Variants in RAB30 observed in about 807,000 individuals in gnomAD.
RAB30 encodes the protein ras-related protein Rab-30.
RAB30 carries 9 observed loss-of-function variants against 25.1 expected under a neutral mutation model. That is an observed-to-expected ratio of 0.36 (90% CI 0.22 to 0.63). The LOEUF is 0.63. RAB30 is among the 20% of genes least tolerant of loss of function. RAB30 has a pLI of 0.69. For missense variants in RAB30, 140 were observed against 243.5 expected, an observed-to-expected ratio of 0.58 and a Z score of 2.83; for synonymous variants, 77 against 86.4, an observed-to-expected ratio of 0.89 and a Z score of 0.60.
chr11:83,038,305 T>A (rs146329755), intron 1 of RAB30, among the ~76,000 whole-genome samples: 2 of 152,334 alleles, frequency 1.3e-5, no homozygotes, highest in African/African-American at 4.8e-5. Flanking sequence ...AGTTCATTTC[T>A]AAGTGTCAAA....
At chr11:83,010,538 T>C (rs1377014895) in intron 1 of RAB30, among the ~76,000 whole-genome samples, 1 of 152,218 alleles carries the variant, frequency 6.6e-6, no homozygotes, top group Non-Finnish European at 1.5e-5. Flanking sequence ...TTATTTCCTT[T>C]TTTTCATATT....
intron 1 of RAB30, among the ~76,000 whole-genome samples, chr11:83,022,403 C>T (rs1168982858): frequency 6.6e-6 from 1 of 152,126 alleles, no homozygotes; most frequent in Admixed American, 6.5e-5. Context: ...AAGTGATCCT[C>T]CTGCCTCAGC....
At chr11:83,037,264 T>C (rs1858006898) in intron 1 of RAB30, among the ~76,000 whole-genome samples, 1 of 152,186 alleles carries the variant, frequency 6.6e-6, no homozygotes. Flanking sequence ...CGAATTTTTT[T>C]TTTGAGACAA....
At chr11:83,032,822 T>C (rs79297796) in intron 1 of RAB30, among the ~76,000 whole-genome samples, 2,309 of 152,258 alleles carry the variant, frequency 0.015, 70 homozygotes, top group African/African-American at 0.054. Flanking sequence ...ACCTTAATCA[T>C]GCTCTCTTGG....
At chr11:83,052,930 G>T (rs543820414) in intron 1 of RAB30, among the ~76,000 whole-genome samples, 104 of 152,282 alleles carry the variant, frequency 6.8e-4, no homozygotes, top group South Asian at 2.3e-3. Flanking sequence ...ACAGTGAGGT[G>T]CAAGGCAATA....
chr11:83,056,666 G>C (rs1858465304), intron 1 of RAB30, among the ~76,000 whole-genome samples: 1 of 152,168 alleles, frequency 6.6e-6, no homozygotes, highest in Non-Finnish European at 1.5e-5. Flanking sequence ...AAATCACACA[G>C]CACAGACTCT....
chr11:83,010,363 A>T lies in RAB30; in HGVS notation c.-8-13039T>A, dbSNP rs1049051086. ...CTACTCAGGAGGCTGATGTGGGAAG[A>T]TCTCTTGAGCCTAGAAGTTAGGCAT... is the stretch of plus-strand genomic sequence containing the variant. On this transcript the variant is annotated intron_variant, in intron 1 of 4. Coordinates refer to ENST00000527633, the MANE Select transcript of RAB30 (RefSeq NM_001286060.2). Among the ~76,000 whole-genome samples, 19 of 152,256 alleles carry T rather than the reference A, an allele frequency of 1.2e-4. No individual in the cohort carries two copies. The South Asian group carries it at 3.7e-3, about 30-fold the overall frequency.
In RAB30 at chr11:82,977,818, G is replaced by A. The variant is rs1856569634; in HGVS notation, c.*4347C>T. 1.3e-5 allele frequency: 2 copies of A among 152,090 alleles called. No homozygotes were observed. Among genetic ancestry groups the A allele is most frequent in the African/African-American group, 4.8e-5 (2 of 41,402 alleles). 9.4% of individuals were successfully genotyped at this position (152,090 alleles called of 1,614,324 possible). On this transcript the variant is annotated 3_prime_UTR_variant, in exon 5 of 5. Transcript: ENST00000527633. ...AATGATAATAACATTCCAACATCAA[G>A]GGACTGAGGAGAGGAGATGAAATGC...
chr11:82,989,363 TG>T lies in RAB30; in HGVS notation c.178-1594del, dbSNP rs150497358. Among the ~76,000 whole-genome samples, 1,298 of 152,344 alleles carry T rather than the reference TG, an allele frequency of 8.5e-3. 6 individuals are homozygous for T. The highest frequency in any genetic ancestry group is 0.013 in the Non-Finnish European group (886 of 68,036). The stretch of plus-strand genomic sequence containing the variant: ...TAGCTTAGCTAAAGAGACTGCTGAG[TG>T]ACCCGTAGTCCCTGCCATGAATCAG... On this transcript the variant is annotated intron_variant, in intron 3 of 4. Transcript: ENST00000527633.
rs1312378392 is a variant in RAB30, at chr11:82,979,581, C to T, written c.*2584G>A. On this transcript the variant is annotated 3_prime_UTR_variant, in exon 5 of 5. Coordinates refer to ENST00000527633, the MANE Select transcript of RAB30 (RefSeq NM_001286060.2). ...GGAATTTCTGTTTAATCAAAAAAAG[C>T]TCCCCCAACCACTACCACCCCACCT... 1.3e-5 allele frequency: 2 copies of T among 152,130 alleles called. No homozygotes were observed. Among genetic ancestry groups the T allele is most frequent in the Non-Finnish European group, 2.9e-5 (2 of 68,028 alleles). The allele number at this position is 152,130 out of a possible 1,614,324, so 9.4% of individuals were successfully genotyped here.
At chr11:83,033,658 G>A (rs1857925683) in intron 1 of RAB30, among the ~76,000 whole-genome samples, 1 of 152,142 alleles carries the variant, frequency 6.6e-6, no homozygotes, top group African/African-American at 2.4e-5. Flanking sequence ...GCAGGCTCAA[G>A]TTTCAGTCTC....
rs137861515 is a variant in RAB30 at position 82,979,511 on chromosome 11, G to A, written c.*2654C>T. On this transcript the variant is annotated 3_prime_UTR_variant, in exon 5 of 5. Transcript: ENST00000527633. ...CCAATAAATTTAGGTTCTGGCCTGG[G>A]TTAAGATGACTGTATTTAGTGTCCT... 4 of 152,224 alleles carry A rather than the reference G, an allele frequency of 2.6e-5. No homozygotes were observed. The highest frequency in any genetic ancestry group is 9.6e-5 in the African/African-American group (4 of 41,542). 9.4% of individuals were successfully genotyped at this position (152,224 alleles called of 1,614,324 possible). A position where few individuals can be genotyped will look rare whatever the true frequency, so the allele number is the denominator to read the frequency against.
chr11:83,038,857 A>T (rs1018603381), intron 1 of RAB30: 3 of 152,010 alleles, frequency 2.0e-5, no homozygotes, highest in Non-Finnish European at 4.4e-5. Flanking sequence ...AAGAAGAAAA[A>T]TAGCTAACAT....
rs1856548016 is a variant in RAB30 at position 82,976,489 on chromosome 11, A to G, written c.*5676T>C. On this transcript the variant is annotated 3_prime_UTR_variant, in exon 5 of 5. Transcript: ENST00000527633. ...TATATAACTCCCCACATCACTCTCC[A>G]AAGTGTCAAAGTCAGCAACCACCAC... 6.6e-6 allele frequency: 1 copy of G among 152,118 alleles called. No individual in the cohort carries two copies. The highest frequency in any genetic ancestry group is 1.5e-5 in the Non-Finnish European group (1 of 68,008). The allele number at this position is 152,118 out of a possible 1,614,324, so 9.4% of individuals were successfully genotyped here.
chr11:82,987,984 G>A (rs1054488422), intron 3 of RAB30, among the ~76,000 whole-genome samples: 13 of 146,644 alleles, frequency 8.9e-5, no homozygotes, highest in African/African-American at 3.3e-4. Context: ...TCTGGTTAGG[G>A]AGAGGGGCTT....
At chr11:83,052,664 A>C (rs1858380955) in intron 1 of RAB30, among the ~76,000 whole-genome samples, 1 of 152,238 alleles carries the variant, frequency 6.6e-6, no homozygotes, top group African/African-American at 2.4e-5. Flanking sequence ...GCAGATTAGA[A>C]GTGCTGAGCC....
At chr11:83,043,500 G>A (rs547293730) in intron 1 of RAB30, among the ~76,000 whole-genome samples, 126 of 152,110 alleles carry the variant, frequency 8.3e-4, no homozygotes, top group Middle Eastern at 3.4e-3. Flanking sequence ...ATTTAAATGT[G>A]GACTCTATTA....
chr11:83,054,728 G>A (rs1047386261), intron 1 of RAB30, among the ~76,000 whole-genome samples: 2 of 152,008 alleles, frequency 1.3e-5, no homozygotes, highest in Admixed American at 1.3e-4. Context: ...TCAGCCAGAT[G>A]TGGGGGTGTG....
chr11:83,061,062 C>G (rs760322157), intron 1 of RAB30, among the ~76,000 whole-genome samples: 3 of 152,352 alleles, frequency 2.0e-5, no homozygotes, highest in South Asian at 4.1e-4. Flanking sequence ...ACTGAGAGTT[C>G]CACTGTCAGC....
Sources: allele counts gnomAD v4.1 joint callset (sites outside exome capture counted in the v4.1 genomes callset), GRCh38; gene constraint gnomAD v4.1.1; transcripts MANE v1.5; gene names NCBI Gene and HGNC (gene_info 2026-07-23, HGNC 2026-07-21).